Variants in OLFM2 observed in about 807,000 individuals in gnomAD.
OLFM2 encodes the protein olfactomedin 2.
In OLFM2, 20 loss-of-function variants were observed where a neutral mutation model predicts 43.9. The ratio of observed to expected loss-of-function variants is 0.46; its 90% CI spans 0.32 to 0.66. OLFM2 has a LOEUF of 0.66. Among genes scored for constraint, OLFM2 ranks in the 30% least tolerant of loss-of-function variants. OLFM2 has a pLI of 0.04. For missense variants in OLFM2, 416 were observed against 643.6 expected, an observed-to-expected ratio of 0.65 and a Z score of 3.83; for synonymous variants, 268 against 278.6, an observed-to-expected ratio of 0.96 and a Z score of 0.38.
At chr19:9,910,300 C>T (rs1287826000) in intron 1 of OLFM2, among the ~76,000 whole-genome samples, 4 of 152,108 alleles carry the variant, frequency 2.6e-5, no homozygotes, top group African/African-American at 9.7e-5. Context: ...AATTACAGGG[C>T]CAGAATTCAA....
intron 1 of OLFM2, among the ~76,000 whole-genome samples, chr19:9,898,571 C>T (rs2046706313): frequency 6.6e-6 from 1 of 151,748 alleles, no homozygotes; most frequent in Non-Finnish European, 1.5e-5. Flanking sequence ...GCTATGTTGC[C>T]CAGGGTGGTC....
chr19:9,904,206 T>TGTGTGTG (rs2046765968), intron 1 of OLFM2, among the ~76,000 whole-genome samples: 1 of 103,218 alleles, frequency 9.7e-6, no homozygotes, highest in Non-Finnish European at 2.1e-5. Context: ...GTGTGTGTGT[T>TGTGTGTG]TTGAGATGGA....
chr19:9,871,817 A>T (rs2046444973), intron 1 of OLFM2, among the ~76,000 whole-genome samples: 1 of 152,184 alleles, frequency 6.6e-6, no homozygotes, highest in Non-Finnish European at 1.5e-5. Flanking sequence ...TTTGCTGTGC[A>T]AACAATTCAT....
chr19:9,894,916 C>A (rs773465855), intron 1 of OLFM2, among the ~76,000 whole-genome samples: 22 of 151,978 alleles, frequency 1.4e-4, no homozygotes, highest in Admixed American at 2.6e-4. Context: ...TTGACCGCTC[C>A]CCCTGCCCCA....
At chr19:9,889,678 C>G (rs772718543) in intron 1 of OLFM2, among the ~76,000 whole-genome samples, 8 of 152,148 alleles carry the variant, frequency 5.3e-5, no homozygotes, top group Non-Finnish European at 7.3e-5. Flanking sequence ...GGGCCAGACC[C>G]AGGCAGGTGT....
At chr19:9,858,701 G>A (rs1003753733) in intron 2 of OLFM2, among the ~76,000 whole-genome samples, 3 of 152,176 alleles carry the variant, frequency 2.0e-5, no homozygotes, top group African/African-American at 7.2e-5. Context: ...ACCTGGCTAC[G>A]GTGAACTCCA....
intron 1 of OLFM2, among the ~76,000 whole-genome samples, chr19:9,913,132 G>C (rs944072747): frequency 6.6e-6 from 1 of 152,176 alleles, no homozygotes; most frequent in African/African-American, 2.4e-5. Context: ...CACTCAGCCC[G>C]GACTCAGCTC....
intron 1 of OLFM2, 68 bp from the exon 2 acceptor site, chr19:9,860,862 GA>G: frequency 6.7e-7 from 1 of 1,495,090 alleles, no homozygotes; most frequent in East Asian, 2.4e-5. Flanking sequence ...ACTGGGACAG[GA>G]AGGGGGCCCA....
intron 1 of OLFM2, among the ~76,000 whole-genome samples, chr19:9,918,697 GCTC>G (rs1210598711): frequency 6.6e-6 from 1 of 152,196 alleles, no homozygotes; most frequent in East Asian, 1.9e-4. Flanking sequence ...AAAGGAATTT[GCTC>G]CTGATATATG....
chr19:9,935,980 A>G (rs948881308), intron 1 of OLFM2, among the ~76,000 whole-genome samples: 2 of 150,170 alleles, frequency 1.3e-5, no homozygotes, highest in Non-Finnish European at 3.0e-5. Flanking sequence ...CCCCCCTCCA[A>G]TGCCCCCTGA....
intron 1 of OLFM2, among the ~76,000 whole-genome samples, chr19:9,886,435 G>T (rs909370835): frequency 2.0e-5 from 3 of 152,080 alleles, no homozygotes; most frequent in Admixed American, 1.3e-4. Flanking sequence ...TCGAACTCCT[G>T]ACCTCAGGTG....
At chr19:9,865,414 G>A (rs2046393043) in intron 1 of OLFM2, among the ~76,000 whole-genome samples, 1 of 150,110 alleles carries the variant, frequency 6.7e-6, no homozygotes, top group Middle Eastern at 3.6e-3. Flanking sequence ...GGGCTCAAGC[G>A]ATCCTCCTGC....
chr19:9,933,036 G>A (rs534499208), intron 1 of OLFM2, among the ~76,000 whole-genome samples: 23 of 152,038 alleles, frequency 1.5e-4, no homozygotes, highest in African/African-American at 3.9e-4. Flanking sequence ...CCACACCAGC[G>A]TCCACACTGC....
intron 1 of OLFM2, among the ~76,000 whole-genome samples, chr19:9,926,035 G>A (rs1033805764): frequency 2.0e-5 from 3 of 151,940 alleles, no homozygotes; most frequent in African/African-American, 7.2e-5. Flanking sequence ...TACTTGGGAG[G>A]CTGAGGTGGA....
chr19:9,898,874 T>C (rs927644392), intron 1 of OLFM2, among the ~76,000 whole-genome samples: 1 of 152,164 alleles, frequency 6.6e-6, no homozygotes. Flanking sequence ...GCTCGGTCCT[T>C]CTGATTCTAC....
chr19:9,907,788 G>C (rs1457054713), intron 1 of OLFM2, among the ~76,000 whole-genome samples: 1 of 152,074 alleles, frequency 6.6e-6, no homozygotes, highest in African/African-American at 2.4e-5. Flanking sequence ...TGGATCACTT[G>C]AGGTCGGGAG....
At chr19:9,872,138 T>C (rs2046447611) in intron 1 of OLFM2, among the ~76,000 whole-genome samples, 1 of 152,102 alleles carries the variant, frequency 6.6e-6, no homozygotes, top group Admixed American at 6.6e-5. Flanking sequence ...TTTGGAAAGC[T>C]TGAGATAATA....
intron 1 of OLFM2, among the ~76,000 whole-genome samples, chr19:9,874,563 C>T (rs1361479295): frequency 1.3e-5 from 2 of 152,136 alleles, no homozygotes; most frequent in South Asian, 2.1e-4. Flanking sequence ...TCACTGCAAC[C>T]TCTACCTCCT....
At chr19:9,873,178 T>C (rs535298948) in intron 1 of OLFM2, among the ~76,000 whole-genome samples, 22 of 152,332 alleles carry the variant, frequency 1.4e-4, no homozygotes, top group African/African-American at 5.3e-4. Context: ...GGTCTCACTC[T>C]GCCGCGCAGG....
Sources: gnomAD v4.1 joint callset for allele counts (sites outside exome capture counted in the v4.1 genomes callset) on GRCh38, gnomAD v4.1.1 for gene constraint, MANE v1.5 for transcripts, NCBI Gene and HGNC (gene_info 2026-07-23, HGNC 2026-07-21) for gene names.